The following ALOX5 variants were observed in gnomAD, a reference collection of about 807,000 sequenced individuals.
ALOX5 encodes the protein polyunsaturated fatty acid 5-lipoxygenase.
In ALOX5, 64 loss-of-function variants were observed where a neutral mutation model predicts 87.9. The ratio of observed to expected loss-of-function variants is 0.73; its 90% CI spans 0.60 to 0.90. ALOX5 has a LOEUF of 0.90. ALOX5 is among the 40% of genes least tolerant of loss of function. The probability of loss-of-function intolerance (pLI) is 0.00; values close to 1 mark genes in which losing one functional copy is unlikely to be tolerated. For synonymous variants in ALOX5, 388 were observed against 355.1 expected, an observed-to-expected ratio of 1.09 and a Z score of -1.04; for missense variants, 822 against 907.5, an observed-to-expected ratio of 0.91 and a Z score of 1.21.
chr10:45,402,072 G>T (rs11239513), intron 3 of ALOX5, among the ~76,000 whole-genome samples: 11,629 of 135,906 alleles, frequency 0.086, 1,678 homozygotes, highest in African/African-American at 0.3. Flanking sequence ...GGGCGACAGA[G>T]CGAGACTCCG....
chr10:45,443,328 A>T (rs1162551565), intron 10 of ALOX5, 88 bp from the exon 11 acceptor site: 1 of 1,582,936 alleles, frequency 6.3e-7, no homozygotes. Flanking sequence ...GGGGTGGGGG[A>T]GTCCCAGCGT....
intron 5 of ALOX5, among the ~76,000 whole-genome samples, 161 bp downstream of exon 5, chr10:45,424,308 C>T (rs1841616634): frequency 1.3e-5 from 2 of 152,312 alleles, no homozygotes; most frequent in East Asian, 1.9e-4. Flanking sequence ...CACTCCACAC[C>T]TTTTACCATC....
chr10:45,421,942 GAA>G (rs1346963428), intron 4 of ALOX5, among the ~76,000 whole-genome samples: 1 of 152,218 alleles, frequency 6.6e-6, no homozygotes, highest in Non-Finnish European at 1.5e-5. Flanking sequence ...CACATGAGGA[GAA>G]AAAGACAGTA....
At chr10:45,403,512 A>G (rs1304644234) in intron 3 of ALOX5, among the ~76,000 whole-genome samples, 7 of 152,204 alleles carry the variant, frequency 4.6e-5, no homozygotes, top group South Asian at 4.2e-4. Flanking sequence ...GGTACGGACA[A>G]TGTTCTGATT....
intron 2 of ALOX5, among the ~76,000 whole-genome samples, chr10:45,391,813 G>A (rs1021339922): frequency 7.3e-5 from 11 of 151,220 alleles, no homozygotes; most frequent in African/African-American, 2.4e-4. Context: ...GAGACCCTCC[G>A]CCCGGCAGCC....
At chr10:45,440,721 T>C in intron 8 of ALOX5, 88 bp downstream of exon 8, 1 of 1,414,702 alleles carries the variant, frequency 7.1e-7, no homozygotes, top group Non-Finnish European at 9.7e-7. Context: ...GGGGGACCTG[T>C]GGCTGGGAGT....
rs1842231757 is a variant in ALOX5 at position 45,441,434 on chromosome 10, G to A, written c.1272+4G>A. On this transcript the variant is annotated splice_donor_region_variant and intron_variant, in intron 9 of 13. Transcript: ENST00000374391. ...CGAGTGTGGCCTCTTTGACAAGGTG[G>A]GTGCCCTCCTACCCTACTTGTTGCC... is the stretch of plus-strand genomic sequence containing the variant. The A allele has an allele frequency of 6.2e-7, 1 of 1,612,798 alleles. No individual in the cohort carries two copies. Among genetic ancestry groups the A allele is most frequent in the Admixed American group, 1.7e-5 (1 of 59,942 alleles).
At chr10:45,394,105 G>T (rs529139803) in intron 2 of ALOX5, among the ~76,000 whole-genome samples, 1 of 152,066 alleles carries the variant, frequency 6.6e-6, no homozygotes, top group Admixed American at 6.6e-5. Context: ...AAAAATCTAC[G>T]TTAAAGTTCA....
chr10:45,392,040 G>C (rs186307855), intron 2 of ALOX5, among the ~76,000 whole-genome samples: 12,412 of 151,248 alleles, frequency 0.082, 1,764 homozygotes, highest in African/African-American at 0.29. Context: ...GAGGGGAGGG[G>C]TTCAGCCCCC....
At chr10:45,404,767 A>G (rs1259038278) in intron 3 of ALOX5, among the ~76,000 whole-genome samples, 1 of 152,202 alleles carries the variant, frequency 6.6e-6, no homozygotes, top group African/African-American at 2.4e-5. Flanking sequence ...GCTCTCATGG[A>G]AGAGTTACTG....
At chr10:45,389,701 C>CA (rs1322265576) in intron 2 of ALOX5, among the ~76,000 whole-genome samples, 1 of 151,810 alleles carries the variant, frequency 6.6e-6, no homozygotes, top group African/African-American at 2.4e-5. Flanking sequence ...AAGCACTAAA[C>CA]ATGGAAATGA....
chr10:45,390,432 T>C (rs1325870362), intron 2 of ALOX5, among the ~76,000 whole-genome samples: 1 of 152,192 alleles, frequency 6.6e-6, no homozygotes, highest in African/African-American at 2.4e-5. Context: ...ATTGACCACA[T>C]AGTTGGAAGT....
chr10:45,413,301 TA>T (rs1841143319), intron 4 of ALOX5, among the ~76,000 whole-genome samples: 1 of 152,160 alleles, frequency 6.6e-6, no homozygotes, highest in Admixed American at 6.5e-5. Context: ...CGCAAATCAA[TA>T]AATGTAATCT....
Position 45,418,243 on chromosome 10 carries a change from A to G in ALOX5, c.555-5798A>G, listed in dbSNP as rs563790876. Among the ~76,000 whole-genome samples the G allele has an allele frequency of 3.3e-5, 5 of 151,944 alleles. No homozygotes were observed. In the South Asian group the frequency reaches 1.0e-3, roughly 32 times the overall value. On this transcript the variant is annotated intron_variant, in intron 4 of 13. Coordinates refer to ENST00000374391, the MANE Select transcript of ALOX5 (RefSeq NM_000698.5). ...GGACCACAAGGAAGCAGCTTAGAGG[A>G]GCCTGTGTGGGGATGAGGGGTGCCT...
At chr10:45,394,129 A>T (rs1441224290) in intron 2 of ALOX5, among the ~76,000 whole-genome samples, 2 of 152,256 alleles carry the variant, frequency 1.3e-5, no homozygotes, top group African/African-American at 4.8e-5. Flanking sequence ...GGAACCAAAA[A>T]AGAGCCCGCA....
chr10:45,412,059 G>A, intron 3 of ALOX5, 132 bp from the exon 4 acceptor site: 1 of 1,320,996 alleles, frequency 7.6e-7, no homozygotes, highest in Non-Finnish European at 1.0e-6. Flanking sequence ...GTCAGCCTAT[G>A]ATGTGTTGAC....
intron 1 of ALOX5, among the ~76,000 whole-genome samples, chr10:45,378,443 C>T (rs1839706264): frequency 6.6e-6 from 1 of 152,176 alleles, no homozygotes; most frequent in Non-Finnish European, 1.5e-5. Flanking sequence ...CATTCCCAGG[C>T]CCAGTGCTTC....
chr10:45,394,164 A>C (rs915094863), intron 2 of ALOX5, among the ~76,000 whole-genome samples: 3 of 152,240 alleles, frequency 2.0e-5, no homozygotes, highest in Middle Eastern at 3.2e-3. Context: ...CTAAGCCAAA[A>C]GAACAAAGCT....
At chr10:45,411,649 C>A (rs1418601567) in intron 3 of ALOX5, among the ~76,000 whole-genome samples, 3 of 152,166 alleles carry the variant, frequency 2.0e-5, no homozygotes, top group Non-Finnish European at 2.9e-5. Flanking sequence ...GCCTTTTAGC[C>A]ATCTGTGCCT....
Sources: allele counts gnomAD v4.1 joint callset (sites outside exome capture counted in the v4.1 genomes callset), GRCh38; gene constraint gnomAD v4.1.1; transcripts MANE v1.5; gene names NCBI Gene and HGNC (gene_info 2026-07-23, HGNC 2026-07-21).